The following KLHL32 variants were observed in gnomAD, a reference collection of about 807,000 sequenced individuals.
KLHL32 encodes kelch like family member 32.
In KLHL32, 35 loss-of-function variants were observed where a neutral mutation model predicts 64.8. The ratio of observed to expected loss-of-function variants is 0.54; its 90% confidence interval spans 0.41 to 0.72. KLHL32 has a LOEUF of 0.72. Ranked by LOEUF, KLHL32 falls within the 30% of genes least tolerant of loss-of-function variation. The pLI is 0.00. For synonymous variants in KLHL32, 259 were observed against 281.0 expected (o/e 0.92, Z 0.78); for missense variants, 589 against 768.5 (o/e 0.77, Z 2.76).
chr6:97,007,463 A>T (rs535402477), intron 3 of KLHL32, among the ~76,000 whole-genome samples: 1 of 152,194 alleles, frequency 6.6e-6, no homozygotes, highest in Admixed American at 6.5e-5. Context: ...GTTCCTATCC[A>T]TATTTTGAAT....
chr6:96,924,800 GGCAC>G lies in KLHL32; in HGVS notation c.-291_-288del. 1.4e-5 allele frequency: 1 copy of G among 73,480 alleles called. No individual in the cohort carries two copies. The highest frequency in any genetic ancestry group is 2.6e-5 in the Non-Finnish European group (1 of 38,666). 4.6% of individuals were successfully genotyped at this position (73,480 alleles called of 1,614,324 possible). A position where few individuals can be genotyped will look rare whatever the true frequency, so the allele number is the denominator to read the frequency against. Reference sequence around the variant, plus strand: ...GCAGTCGCGCGCACACACGCACGCAGGCACACACACACACACACACACACACACA... The same window carrying G: ...GCAGTCGCGCGCACACACGCACGCAGACACACACACACACACACACACACA... On this transcript the variant is annotated 5_prime_UTR_variant, in exon 1 of 11. Coordinates refer to ENST00000369261, the MANE Select transcript of KLHL32 (RefSeq NM_052904.4).
chr6:97,103,277 G>T (rs734836), intron 6 of KLHL32, among the ~76,000 whole-genome samples: 99,019 of 149,368 alleles, frequency 0.66, 33,166 homozygotes, highest in South Asian at 0.73. Flanking sequence ...GCAGTGGTGC[G>T]ATCTCAGCTC....
chr6:97,008,438 G>A (rs1210571380), intron 3 of KLHL32, among the ~76,000 whole-genome samples: 2 of 152,130 alleles, frequency 1.3e-5, no homozygotes, highest in African/African-American at 2.4e-5. Flanking sequence ...CCACCCTGCT[G>A]TGTCCAGGTA....
Position 97,113,931 on chromosome 6 carries a change from C to A in KLHL32, c.776C>A (p.Ala259Asp). The part of the protein sequence containing the change: ...PLVQASETAT[A>D]LVNEALEYHQ... Reference sequence around the variant, plus strand: ...GTCCAAGCAAGTGAGACTGCAACAGCCCTTGTCAACGAGGCCCTGGAATAC... The same window carrying A: ...GTCCAAGCAAGTGAGACTGCAACAGACCTTGTCAACGAGGCCCTGGAATAC... Residue 259 changes from alanine to aspartate, a missense_variant, in exon 7 of 11, where the codon GCC (alanine) becomes GAC (aspartate). Around this residue, in one of 3 missense-constraint regions of KLHL32, gnomAD observed 226 missense variants for 353.2 expected, o/e 0.64. Transcript: ENST00000369261. 3.1e-6 allele frequency: 5 copies of A among 1,614,174 alleles called. No homozygotes were observed. The highest frequency in any genetic ancestry group is 4.2e-6 in the Non-Finnish European group (5 of 1,180,036).
intron 1 of KLHL32, among the ~76,000 whole-genome samples, chr6:96,954,122 T>C (rs1399241031): frequency 1.3e-5 from 2 of 152,078 alleles, no homozygotes; most frequent in Non-Finnish European, 2.9e-5. Context: ...CTTTTCTCAA[T>C]ATGTACTCCC....
chr6:97,048,954 T>C (rs181722674), intron 4 of KLHL32, among the ~76,000 whole-genome samples: 3 of 152,346 alleles, frequency 2.0e-5, no homozygotes, highest in Admixed American at 2.0e-4. Context: ...ATCCTTTCTT[T>C]AGCTGGCAGT....
intron 3 of KLHL32, among the ~76,000 whole-genome samples, chr6:97,018,246 A>C (rs566668919): frequency 8.5e-5 from 13 of 152,188 alleles, no homozygotes; most frequent in Non-Finnish European, 1.3e-4. Context: ...CAGATATTAG[A>C]CCAAATATTT....
intron 3 of KLHL32, among the ~76,000 whole-genome samples, chr6:97,017,956 C>T (rs1274728640): frequency 6.6e-6 from 1 of 152,164 alleles, no homozygotes; most frequent in African/African-American, 2.4e-5. Flanking sequence ...ACACACTATG[C>T]TGTGTCATGA....
chr6:97,005,868 T>C (rs1001271092), intron 3 of KLHL32, among the ~76,000 whole-genome samples: 1 of 152,130 alleles, frequency 6.6e-6, no homozygotes, highest in African/African-American at 2.4e-5. Flanking sequence ...CAGTTTTTTA[T>C]TTTTTTTAAT....
intron 1 of KLHL32, among the ~76,000 whole-genome samples, chr6:96,960,724 T>A (rs1006272054): frequency 6.6e-6 from 1 of 152,336 alleles, no homozygotes; most frequent in South Asian, 2.1e-4. Flanking sequence ...TTTGGTTTTA[T>A]ACATTTTAGG....
At chr6:96,908,570 C>T in the KLHL32 span, among the ~76,000 whole-genome samples, 13 of 152,172 alleles carry the variant, frequency 8.5e-5, no homozygotes, top group South Asian at 2.1e-4. Context: ...AAAAGCAAGA[C>T]GAAAAGAGAA....
At chr6:96,932,060 T>C (rs1261827748) in intron 1 of KLHL32, among the ~76,000 whole-genome samples, 1 of 152,088 alleles carries the variant, frequency 6.6e-6, no homozygotes, top group Non-Finnish European at 1.5e-5. Flanking sequence ...TGCTTGACAT[T>C]TTCTGAAAGG....
intron 1 of KLHL32, among the ~76,000 whole-genome samples, chr6:96,936,116 C>A (rs1198923415): frequency 6.6e-6 from 1 of 152,060 alleles, no homozygotes; most frequent in Non-Finnish European, 1.5e-5. Context: ...GCAGTAGGAC[C>A]TTTATAGGCA....
intron 10 of KLHL32, among the ~76,000 whole-genome samples, chr6:97,134,552 C>T (rs1005264219): frequency 1.3e-5 from 2 of 152,146 alleles, no homozygotes; most frequent in Non-Finnish European, 2.9e-5. Context: ...AGTGCTGGAA[C>T]ACTGTTTTTT....
At chr6:96,917,181 A>G in the KLHL32 span, among the ~76,000 whole-genome samples, 1 of 152,232 alleles carries the variant, frequency 6.6e-6, no homozygotes, top group Non-Finnish European at 1.5e-5. Flanking sequence ...AAAATGAGAA[A>G]TTTATTGCAA....
intron 1 of KLHL32, among the ~76,000 whole-genome samples, chr6:96,926,602 G>GT (rs1248101324): frequency 2.0e-5 from 3 of 152,122 alleles, no homozygotes; most frequent in Non-Finnish European, 2.9e-5. Context: ...TTGTGTGTGC[G>GT]TTTCAGATGT....
At chr6:97,009,433 A>G (rs1239855943) in intron 3 of KLHL32, among the ~76,000 whole-genome samples, 1 of 152,156 alleles carries the variant, frequency 6.6e-6, no homozygotes, top group South Asian at 2.1e-4. Flanking sequence ...AACTCTCTTC[A>G]CTATCGACAC....
At chr6:97,128,923 T>C (rs531859022) in intron 8 of KLHL32, among the ~76,000 whole-genome samples, 67 of 152,336 alleles carry the variant, frequency 4.4e-4, no homozygotes, top group South Asian at 2.5e-3. Flanking sequence ...TTCCTAATAC[T>C]GTAATGGGTT....
At chr6:97,133,089 T>C (rs1799619570) in intron 10 of KLHL32, among the ~76,000 whole-genome samples, 1 of 152,232 alleles carries the variant, frequency 6.6e-6, no homozygotes. Flanking sequence ...GCTTTACAAA[T>C]ACTTCCTTTC....
Sources: gnomAD v4.1 joint callset for allele counts (sites outside exome capture counted in the v4.1 genomes callset) on GRCh38, gnomAD v4.1.1 for gene constraint, gnomAD v4.1.1 regional missense constraint, MANE v1.5 for transcripts, NCBI Gene and HGNC (gene_info 2026-07-23, HGNC 2026-07-21) for gene names.